VPS13B: variants seen among roughly 807,000 people sequenced by gnomAD.
VPS13B encodes vacuolar protein sorting 13 homolog B, also known as intermembrane lipid transfer protein VPS13B.
A neutral mutation model predicts 426.4 loss-of-function variants in VPS13B; 285 were observed. The ratio of observed to expected loss-of-function variants is 0.67; its 90% CI spans 0.61 to 0.74. The LOEUF (loss-of-function observed/expected upper bound fraction) is 0.74, where lower values mean the gene tolerates loss of function less well. Among genes scored for constraint, VPS13B ranks in the 30% least tolerant of loss-of-function variants. The pLI, the probability that VPS13B is intolerant of heterozygous loss-of-function variation, is 0.00. For synonymous variants in VPS13B, 1,676 were observed against 1,676.4 expected, an observed-to-expected ratio of 1.00 and a Z score of 0.01; for missense variants, 4,537 against 4,782.6, an observed-to-expected ratio of 0.95 and a Z score of 1.51.
intron 3 of VPS13B, among the ~76,000 whole-genome samples, chr8:99,040,809 G>A (rs1842934852): frequency 6.6e-6 from 1 of 152,088 alleles, no homozygotes; most frequent in Admixed American, 6.5e-5. Context: ...GCATAGGAAT[G>A]TATTGAAGTA....
At chr8:99,140,162 C>T (rs1295105796) in intron 12 of VPS13B, among the ~76,000 whole-genome samples, 7 of 151,722 alleles carry the variant, frequency 4.6e-5, no homozygotes, top group African/African-American at 1.5e-4. Flanking sequence ...GTCAGGAGTT[C>T]GAGACCAGCC....
At chr8:99,234,577 C>A in intron 17 of VPS13B, 1 of 415,646 alleles carries the variant, frequency 2.4e-6, no homozygotes, top group Non-Finnish European at 4.6e-6. Context: ...GGGAGCAGAG[C>A]TTGTGCTGGC....
At chr8:99,772,692 G>GT (rs1240469600) in intron 40 of VPS13B, among the ~76,000 whole-genome samples, 2 of 152,142 alleles carry the variant, frequency 1.3e-5, no homozygotes, top group Non-Finnish European at 2.9e-5. Context: ...CTTTTCCCCT[G>GT]TTTTATATGT....
intron 16 of VPS13B, among the ~76,000 whole-genome samples, chr8:99,184,411 A>G (rs1588122106): frequency 6.6e-6 from 1 of 152,108 alleles, no homozygotes; most frequent in Middle Eastern, 3.4e-3. Flanking sequence ...TGTCCATTCC[A>G]GTGGGGTTGA....
At chr8:99,483,661 G>T (rs560823170) in intron 25 of VPS13B, among the ~76,000 whole-genome samples, 1 of 152,266 alleles carries the variant, frequency 6.6e-6, no homozygotes, top group Non-Finnish European at 1.5e-5. Flanking sequence ...AAAGGAGAGT[G>T]TTCCATTAAA....
At chr8:99,016,602 T>G in intron 2 of VPS13B, among the ~76,000 whole-genome samples, 1 of 142,974 alleles carries the variant, frequency 7.0e-6, no homozygotes, top group Non-Finnish European at 1.5e-5. Context: ...TTTTTTTTTT[T>G]TTTTTTTGAG....
At position 99,877,170 on chromosome 8, in the gene VPS13B, CT is replaced by C. The variant is rs1817734198; in HGVS notation, c.*1507del. ...GCCACCATGCCCAACACCCACTGAT[CT>C]TTAACTCTCACATGTTGGGCATAAG... On this transcript the variant is annotated 3_prime_UTR_variant, in exon 62 of 62. Transcript: ENST00000357162. 6.6e-6 allele frequency: 1 copy of C among 152,154 alleles called. No homozygotes were observed. The highest frequency in any genetic ancestry group is 6.5e-5 in the Admixed American group (1 of 15,274). 9.4% of individuals were successfully genotyped at this position (152,154 alleles called of 1,614,324 possible).
chr8:99,425,393 A>G (rs1470198171), intron 21 of VPS13B, among the ~76,000 whole-genome samples: 1 of 152,212 alleles, frequency 6.6e-6, no homozygotes, highest in Non-Finnish European at 1.5e-5. Context: ...CATCCCTGGG[A>G]TGCAAGGCTG....
intron 19 of VPS13B, among the ~76,000 whole-genome samples, chr8:99,275,554 A>G (rs1179169177): frequency 6.6e-6 from 1 of 152,104 alleles, no homozygotes; most frequent in South Asian, 2.1e-4. Context: ...TATCATTATA[A>G]TGCATATTTT....
intron 3 of VPS13B, among the ~76,000 whole-genome samples, chr8:99,050,841 A>C (rs1178882749): frequency 3.3e-5 from 5 of 152,148 alleles, no homozygotes; most frequent in African/African-American, 9.7e-5. Flanking sequence ...TCTTTTGAGA[A>C]GTGTCTGTTC....
chr8:99,575,567 C>A, intron 31 of VPS13B, 91 bp from the exon 32 acceptor site: 2 of 1,513,508 alleles, frequency 1.3e-6, no homozygotes, highest in Non-Finnish European at 1.8e-6. Context: ...TTTTGCCATA[C>A]ATGTTTGTAG....
At chr8:99,758,414 T>A (rs758528679) in intron 39 of VPS13B, among the ~76,000 whole-genome samples, 2 of 152,220 alleles carry the variant, frequency 1.3e-5, no homozygotes, top group Non-Finnish European at 2.9e-5. Context: ...TTAAACAAGA[T>A]CTTTTTAGAA....
chr8:99,660,012 C>G (rs929745816), intron 34 of VPS13B, among the ~76,000 whole-genome samples: 1 of 152,136 alleles, frequency 6.6e-6, no homozygotes, highest in African/African-American at 2.4e-5. Flanking sequence ...CATCCTTTCA[C>G]CAGACTTGAC....
chr8:99,246,400 C>T (rs986608175), intron 17 of VPS13B, among the ~76,000 whole-genome samples: 4 of 152,122 alleles, frequency 2.6e-5, no homozygotes, highest in African/African-American at 9.7e-5. Context: ...CCAAATCCAG[C>T]CCATCAGCTG....
intron 5 of VPS13B, among the ~76,000 whole-genome samples, chr8:99,105,389 A>T (rs1846989080): frequency 6.6e-6 from 1 of 152,090 alleles, no homozygotes; most frequent in Admixed American, 6.5e-5. Context: ...TAATTAATTA[A>T]TTTTTTTGAG....
At chr8:99,249,714 C>T (rs1288212911) in intron 17 of VPS13B, among the ~76,000 whole-genome samples, 3 of 152,120 alleles carry the variant, frequency 2.0e-5, no homozygotes, top group African/African-American at 4.8e-5. Flanking sequence ...TGAGCCACCG[C>T]GCCCGGCCTG....
intron 59 of VPS13B, among the ~76,000 whole-genome samples, chr8:99,869,243 C>A (rs1588807782): frequency 6.6e-6 from 1 of 152,320 alleles, no homozygotes; most frequent in African/African-American, 2.4e-5. Flanking sequence ...TCACAAACGA[C>A]AGAAGCGCCC....
At chr8:99,827,364 T>A (rs538286382) in intron 51 of VPS13B, among the ~76,000 whole-genome samples, 1 of 152,216 alleles carries the variant, frequency 6.6e-6, no homozygotes, top group South Asian at 2.1e-4. Flanking sequence ...CATAGAGGTG[T>A]TTATAGTATT....
At position 99,384,246 on chromosome 8, in the gene VPS13B, A is replaced by G. The variant is rs749669522; in HGVS notation, c.2863A>G (p.Asn955Asp). 6.2e-7 allele frequency: 1 copy of G among 1,614,008 alleles called. No individual in the cohort carries two copies. Among genetic ancestry groups the G allele is most frequent in the East Asian group, 2.2e-5 (1 of 44,854 alleles). Residue 955 changes from asparagine (N) to aspartate (D), a missense_variant, in exon 20 of 62, where the codon AAT becomes GAT. This residue lies in a region of VPS13B where 4,311 missense variants were observed against 4,474.3 expected (regional missense o/e 0.96). Transcript: ENST00000357162. Reference sequence around the variant, plus strand: ...TTGCAGTATACAAGGACTAGCAGTTAATATTGACCCAATCTTATATACGTG... The same window carrying G: ...TTGCAGTATACAAGGACTAGCAGTTGATATTGACCCAATCTTATATACGTG... Reference protein sequence around the residue: ...LLCSIQGLAVNIDPILYTWLI... With the variant: ...LLCSIQGLAVDIDPILYTWLI...
Sources: gnomAD v4.1 joint callset for allele counts (sites outside exome capture counted in the v4.1 genomes callset) on GRCh38, gnomAD v4.1.1 for gene constraint, gnomAD v4.1.1 regional missense constraint, MANE v1.5 for transcripts, NCBI Gene and HGNC (gene_info 2026-07-23, HGNC 2026-07-21) for gene names.